RASGRP3: variants seen among roughly 807,000 people sequenced by gnomAD.
The protein encoded by RASGRP3 is ras guanyl-releasing protein 3.
RASGRP3 carries 54 observed loss-of-function variants against 82.7 expected under a neutral mutation model. The ratio of observed to expected loss-of-function variants is 0.65; its 90% confidence interval spans 0.52 to 0.82. The LOEUF (loss-of-function observed/expected upper bound fraction) is 0.82, where lower values mean the gene tolerates loss of function less well. Ranked by LOEUF, RASGRP3 falls within the 40% of genes least tolerant of loss-of-function variation. The pLI is 0.00. For missense variants in RASGRP3, 861 were observed against 828.9 expected (o/e 1.04, Z -0.48); for synonymous variants, 309 against 300.5 (o/e 1.03, Z -0.29).
At chr2:33,557,381 C>G (rs545836625) in intron 15 of RASGRP3, among the ~76,000 whole-genome samples, 1 of 152,242 alleles carries the variant, frequency 6.6e-6, no homozygotes, top group South Asian at 2.1e-4. Flanking sequence ...TAATCACTGG[C>G]CCTGAAAGGT....
At chr2:33,487,955 T>G (rs1203488006) in intron 1 of RASGRP3, among the ~76,000 whole-genome samples, 1 of 152,172 alleles carries the variant, frequency 6.6e-6, no homozygotes, top group African/African-American at 2.4e-5. Flanking sequence ...CCTAAACATT[T>G]CATCACGTAT....
At chr2:33,480,019 GC>G (rs1667747828) in intron 1 of RASGRP3, among the ~76,000 whole-genome samples, 1 of 151,136 alleles carries the variant, frequency 6.6e-6, no homozygotes, top group African/African-American at 2.4e-5. Flanking sequence ...TGAAGATCAA[GC>G]TATTTATAGC....
At chr2:33,492,394 G>A (rs1425539089) in intron 1 of RASGRP3, among the ~76,000 whole-genome samples, 1 of 152,170 alleles carries the variant, frequency 6.6e-6, no homozygotes, top group South Asian at 2.1e-4. Context: ...AAAATTCTGT[G>A]TGTGATTTCA....
chr2:33,514,969 C>T, intron 2 of RASGRP3, 41 bp from the exon 3 acceptor site: 1 of 629,878 alleles, frequency 1.6e-6, no homozygotes, highest in Non-Finnish European at 2.8e-6. Context: ...GGGGTCTGAA[C>T]TCTAGTCTAA....
chr2:33,540,006 GAA>G (rs2151070152), intron 12 of RASGRP3: 2 of 132,120 alleles, frequency 1.5e-5, no homozygotes, highest in South Asian at 5.0e-4. Context: ...AAAAAGAAAA[GAA>G]AAGAAAAGAA....
chr2:33,526,553 T>C (rs890265188), intron 9 of RASGRP3, among the ~76,000 whole-genome samples: 31 of 152,346 alleles, frequency 2.0e-4, no homozygotes, highest in Admixed American at 9.8e-4. Flanking sequence ...TAGAAGTTTA[T>C]AGAGGCTTGG....
At chr2:33,530,498 T>TC (rs1041155298) in intron 10 of RASGRP3, among the ~76,000 whole-genome samples, 1 of 62,152 alleles carries the variant, frequency 1.6e-5, no homozygotes, top group Non-Finnish European at 2.8e-5. Flanking sequence ...TGCCCCTTCC[T>TC]TTTTTTTTTT....
At chr2:33,538,367 A>T (rs1673866620) in intron 11 of RASGRP3, among the ~76,000 whole-genome samples, 2 of 151,912 alleles carry the variant, frequency 1.3e-5, no homozygotes, top group African/African-American at 4.8e-5. Flanking sequence ...GCTGGGCTTG[A>T]TGGTGGGTAT....
chr2:33,486,180 A>G (rs1346829406), intron 1 of RASGRP3, among the ~76,000 whole-genome samples: 1 of 119,500 alleles, frequency 8.4e-6, no homozygotes, highest in African/African-American at 3.2e-5. Flanking sequence ...TTTTTTTTTG[A>G]GAGAGAGAGA....
intron 1 of RASGRP3, among the ~76,000 whole-genome samples, chr2:33,495,208 A>G (rs190735340): frequency 6.6e-6 from 1 of 152,148 alleles, no homozygotes; most frequent in Admixed American, 6.5e-5. Context: ...AATCCCTAAC[A>G]CTTTTGGCAC....
At chr2:33,544,576 T>C (rs1293634164) in intron 13 of RASGRP3, among the ~76,000 whole-genome samples, 3 of 152,102 alleles carry the variant, frequency 2.0e-5, no homozygotes, top group Non-Finnish European at 2.9e-5. Context: ...TTGTTAATAG[T>C]ACGAGATTAG....
At chr2:33,516,496 G>A (rs753152622) in intron 3 of RASGRP3, 46 bp from the exon 4 acceptor site, 29 of 1,315,734 alleles carry the variant, frequency 2.2e-5, no homozygotes, top group Non-Finnish European at 2.8e-5. Flanking sequence ...AAAAAGTAAA[G>A]AATAGCACTA....
chr2:33,460,726 G>C (rs72802094), intron 2 of RASGRP3, among the ~76,000 whole-genome samples: 4 of 152,018 alleles, frequency 2.6e-5, no homozygotes, highest in Non-Finnish European at 5.9e-5. Flanking sequence ...TGTTGCCTAG[G>C]CTGGTCTTGA....
At chr2:33,468,804 A>G (rs1029826122) in intron 2 of RASGRP3, among the ~76,000 whole-genome samples, 2 of 152,240 alleles carry the variant, frequency 1.3e-5, no homozygotes, top group African/African-American at 4.8e-5. Context: ...TTTTCTTAGT[A>G]TAAGTAATGC....
intron 1 of RASGRP3, among the ~76,000 whole-genome samples, chr2:33,478,570 G>A (rs1180121364): frequency 6.6e-6 from 1 of 152,122 alleles, no homozygotes; most frequent in East Asian, 1.9e-4. Context: ...ATTTTTGAGA[G>A]CCAACAGGCT....
At chr2:33,540,615 T>TTC (rs72384480) in intron 12 of RASGRP3, among the ~76,000 whole-genome samples, 12,108 of 121,588 alleles carry the variant, frequency 0.1, 1,513 homozygotes, top group East Asian at 0.31. Flanking sequence ...TCTGGGGAAT[T>TTC]TCTCTCTCTC....
At chr2:33,536,878 T>C (rs1336857094) in intron 11 of RASGRP3, among the ~76,000 whole-genome samples, 1 of 152,184 alleles carries the variant, frequency 6.6e-6, no homozygotes, top group African/African-American at 2.4e-5. Flanking sequence ...AGAGTGCTTT[T>C]GGGCTCTGGC....
At chr2:33,539,236 G>C in intron 12 of RASGRP3, 26 bp downstream of exon 12, 1 of 1,485,730 alleles carries the variant, frequency 6.7e-7, no homozygotes, top group Non-Finnish European at 9.3e-7. Flanking sequence ...AGAATAAAGA[G>C]AGGGCACTAG....
chr2:33,556,998 A>C (rs1218341409), intron 15 of RASGRP3, among the ~76,000 whole-genome samples: 2 of 151,404 alleles, frequency 1.3e-5, no homozygotes, highest in African/African-American at 4.9e-5. Flanking sequence ...TGGCACATAA[A>C]GTGAAAAAAA....
Sources: allele counts gnomAD v4.1 joint callset (sites outside exome capture counted in the v4.1 genomes callset), GRCh38; gene constraint gnomAD v4.1.1; transcripts MANE v1.5; gene names NCBI Gene and HGNC (gene_info 2026-07-23, HGNC 2026-07-21).